The following RPH3AL variants were observed in gnomAD, a reference collection of about 807,000 sequenced individuals.
The protein encoded by RPH3AL is rabphilin 3A like (without C2 domains).
In RPH3AL, 38 loss-of-function variants were observed where a neutral mutation model predicts 43.1. The observed-to-expected ratio is 0.88, with a 90% CI of 0.68 to 1.15. The LOEUF is 1.15. Among genes scored for constraint, RPH3AL ranks in the 50% most tolerant of loss-of-function variants. The probability of loss-of-function intolerance (pLI) is 0.00; values close to 1 mark genes in which losing one functional copy is unlikely to be tolerated. For missense variants in RPH3AL, 462 were observed against 423.2 expected (o/e 1.09, Z -0.81); for synonymous variants, 189 against 176.3 (o/e 1.07, Z -0.57).
intron 5 of RPH3AL, among the ~76,000 whole-genome samples, chr17:304,649 C>T (rs988575120): frequency 9.2e-5 from 14 of 152,132 alleles, no homozygotes; most frequent in South Asian, 2.1e-4. Context: ...AGGCCCGAAC[C>T]AGCCGGAGGC....
intron 4 of RPH3AL, among the ~76,000 whole-genome samples, chr17:320,998 T>A (rs1448685206): frequency 6.6e-6 from 1 of 152,156 alleles, no homozygotes; most frequent in Non-Finnish European, 1.5e-5. Context: ...CCTGGGAGGC[T>A]TCACCAGGCT....
At chr17:248,647 C>T (rs757698947) in intron 6 of RPH3AL, among the ~76,000 whole-genome samples, 11 of 152,154 alleles carry the variant, frequency 7.2e-5, no homozygotes, top group Non-Finnish European at 1.0e-4. Flanking sequence ...TGAGGGGTCC[C>T]TCTGTTCCTC....
At chr17:315,805 G>GA (rs199629868) in intron 5 of RPH3AL, among the ~76,000 whole-genome samples, 34 of 105,306 alleles carry the variant, frequency 3.2e-4, no homozygotes, top group Non-Finnish European at 4.9e-4. Flanking sequence ...TAGTCCCTGT[G>GA]CCCCACCTCC....
At chr17:301,185 C>T (rs904191172) in intron 5 of RPH3AL, among the ~76,000 whole-genome samples, 18 of 152,258 alleles carry the variant, frequency 1.2e-4, no homozygotes, top group Admixed American at 9.2e-4. Context: ...ACGTAGCCGT[C>T]GGCCACCTCA....
At chr17:292,505 C>A (rs2043070085) in intron 5 of RPH3AL, among the ~76,000 whole-genome samples, 1 of 152,176 alleles carries the variant, frequency 6.6e-6, no homozygotes, top group African/African-American at 2.4e-5. Flanking sequence ...ATGACTGTTC[C>A]TGTTTTACAC....
At chr17:255,754 T>G (rs868973870) in intron 6 of RPH3AL, among the ~76,000 whole-genome samples, 20 of 3,602 alleles carry the variant, frequency 5.6e-3, no homozygotes, top group Admixed American at 0.012. Context: ...CCTAGGAATG[T>G]GACTACCCTA....
At position 328,687 on chromosome 17, in the gene RPH3AL, A is replaced by G. The variant is rs1468276337; in HGVS notation, c.-36-1108T>C. On this transcript the variant is annotated intron_variant, in intron 2 of 9. Transcript: ENST00000331302. This position sits in a 1 kb window ranked among gnomAD's most constrained non-coding sequence, Gnocchi z 4.2. ...AACTGATGAATGAGGAAAATGTGCT[A>G]TATCCATACGATGATTATTATTTAC... Among the ~76,000 whole-genome samples, 2 of 152,240 alleles carry G rather than the reference A, an allele frequency of 1.3e-5. No individual in the cohort carries two copies. The highest frequency in any genetic ancestry group is 4.8e-5 in the African/African-American group (2 of 41,456).
intron 6 of RPH3AL, among the ~76,000 whole-genome samples, chr17:250,221 G>C (rs1555541884): frequency 7.2e-6 from 1 of 139,796 alleles, no homozygotes; most frequent in Non-Finnish European, 1.6e-5. Context: ...CCTAAGCTCT[G>C]TCGCTGCGGG....
chr17:225,117 A>T lies in RPH3AL; in HGVS notation c.614-5381T>A, dbSNP rs1408206463. On this transcript the variant is annotated intron_variant, in intron 7 of 9. Coordinates refer to ENST00000331302, the MANE Select transcript of RPH3AL (RefSeq NM_006987.4). The surrounding 1 kb of genome is among the most constrained non-coding windows in gnomAD (Gnocchi z 4.4). ...ACCCTAGAACTTAAAATATAATGGAAAAAAAAAAAAAAAGAGTGATGAGCA... is the reference window on the plus strand; with the variant it reads ...ACCCTAGAACTTAAAATATAATGGATAAAAAAAAAAAAAGAGTGATGAGCA... Among the ~76,000 whole-genome samples, 2 of 87,306 alleles carry T rather than the reference A, an allele frequency of 2.3e-5. No homozygotes were observed. The highest frequency in any genetic ancestry group is 6.0e-5 in the African/African-American group (2 of 33,474). The allele number at this position is 87,306 out of a possible 152,430, so 57.3% of individuals were successfully genotyped here.
At chr17:314,291 T>C (rs2043762947) in intron 5 of RPH3AL, among the ~76,000 whole-genome samples, 1 of 152,072 alleles carries the variant, frequency 6.6e-6, no homozygotes, top group African/African-American at 2.4e-5. Context: ...ACCTGGAATA[T>C]TCACAGCAGC....
intron 5 of RPH3AL, among the ~76,000 whole-genome samples, chr17:297,993 C>T (rs954186516): frequency 3.9e-5 from 6 of 152,274 alleles, no homozygotes; most frequent in Non-Finnish European, 5.9e-5. Context: ...CTGTCCCCAC[C>T]GGCCTTGCCA....
intron 5 of RPH3AL, among the ~76,000 whole-genome samples, chr17:318,886 T>A (rs2151695736): frequency 6.6e-6 from 1 of 152,372 alleles, no homozygotes; most frequent in Non-Finnish European, 1.5e-5. Flanking sequence ...CCCAGCATAC[T>A]GCTTGGACTT....
chr17:270,154 C>T (rs942282896), intron 6 of RPH3AL, among the ~76,000 whole-genome samples: 19 of 152,150 alleles, frequency 1.2e-4, no homozygotes, highest in South Asian at 1.0e-3. Context: ...CAGGCACAGA[C>T]GGTGGGGTGC....
Position 215,758 on chromosome 17 carries a change from C to T in RPH3AL, c.772G>A (p.Gly258Ser), listed in dbSNP as rs753031270. The T allele has an allele frequency of 1.6e-5, 21 of 1,306,282 alleles. No individual in the cohort carries two copies. In the African/African-American group the frequency reaches 2.6e-4, roughly 16 times the overall value. The allele number at this position is 1,306,282 out of a possible 1,614,324, so 80.9% of individuals were successfully genotyped here. ...CTGCTCTGGCACCCAGAGAGGTGGC[C>T]CGGCGGGTGGGTGAACCCCATCCTG... ...APRMGFTHPPGHLSGCQSSLA... is the reference protein window; with the variant it reads ...APRMGFTHPPSHLSGCQSSLA... Residue 258 changes from glycine to serine, a missense_variant, in exon 9 of 10, where the codon GGC becomes AGC. Coordinates refer to ENST00000331302, the MANE Select transcript of RPH3AL (RefSeq NM_006987.4). The surrounding 1 kb of genome is among the most constrained non-coding windows in gnomAD (Gnocchi z 4.1).
At position 333,034 on chromosome 17, in the gene RPH3AL, T is replaced by C; in HGVS notation, c.-37+725A>G. On this transcript the variant is annotated intron_variant, in intron 2 of 9. Transcript: ENST00000331302. The surrounding 1 kb of genome is among the most constrained non-coding windows in gnomAD (Gnocchi z 4.5). ...CAGGCAACTTCCTGAGACAGATCGG[T>C]AAAAACAACCCCTTCTTCCAGGAGG... is the stretch of plus-strand genomic sequence containing the variant. The C allele has an allele frequency of 7.8e-7, 1 of 1,288,926 alleles. No homozygotes were observed. Among genetic ancestry groups the C allele is most frequent in the Non-Finnish European group, 1.0e-6 (1 of 988,648 alleles). 79.8% of individuals were successfully genotyped at this position (1,288,926 alleles called of 1,614,324 possible).
chr17:343,119 T>C (rs1343173659), intron 1 of RPH3AL, among the ~76,000 whole-genome samples: 1 of 152,166 alleles, frequency 6.6e-6, no homozygotes, highest in African/African-American at 2.4e-5. Flanking sequence ...ACACAGACAA[T>C]GACCTTGCAA....
intron 6 of RPH3AL, among the ~76,000 whole-genome samples, chr17:251,313 A>G (rs1484262893): frequency 6.6e-6 from 1 of 152,230 alleles, no homozygotes; most frequent in Non-Finnish European, 1.5e-5. Context: ...TAATGCAGGC[A>G]CATGGTCTAA....
chr17:233,909 CTA>C, intron 7 of RPH3AL, among the ~76,000 whole-genome samples: 1 of 114,382 alleles, frequency 8.7e-6, no homozygotes, highest in Non-Finnish European at 1.9e-5. Flanking sequence ...CGGGGAGCGG[CTA>C]CTTACCCTGA....
chr17:231,882 G>A (rs191125555), intron 7 of RPH3AL, among the ~76,000 whole-genome samples: 1 of 152,380 alleles, frequency 6.6e-6, no homozygotes, highest in East Asian at 1.9e-4. Context: ...AGGGCCTTCT[G>A]CTCTTGGAAA....
Sources: gnomAD v4.1 joint callset for allele counts (sites outside exome capture counted in the v4.1 genomes callset) on GRCh38, gnomAD v4.1.1 for gene constraint, Gnocchi (gnomAD v3.1) non-coding constraint, MANE v1.5 for transcripts, NCBI Gene and HGNC (gene_info 2026-07-23, HGNC 2026-07-21) for gene names.